CSMD1: variants seen among roughly 807,000 people sequenced by gnomAD.
CSMD1 encodes the protein CUB and sushi domain-containing protein 1.
A neutral mutation model predicts 417.5 loss-of-function variants in CSMD1; 213 were observed. The observed-to-expected ratio is 0.51, with a 90% CI of 0.46 to 0.57. CSMD1 has a LOEUF of 0.57. CSMD1 is among the 20% of genes least tolerant of loss of function. CSMD1 has a pLI of 0.00. For missense variants in CSMD1, 6,923 were observed against 4,529.7 expected (o/e 1.53, Z -15.17); for synonymous variants, 2,862 against 1,736.8 (o/e 1.65, Z -16.11).
intron 49 of CSMD1, among the ~76,000 whole-genome samples, chr8:3,070,467 C>G (rs907574458): frequency 1.3e-5 from 2 of 152,160 alleles, no homozygotes; most frequent in African/African-American, 4.8e-5. Flanking sequence ...GAATGTTTTG[C>G]TGCTTTGAAA....
chr8:4,897,514 C>A (rs1023075800), intron 1 of CSMD1, among the ~76,000 whole-genome samples: 10 of 152,006 alleles, frequency 6.6e-5, no homozygotes, highest in Non-Finnish European at 1.0e-4. Flanking sequence ...CCTCTCATAT[C>A]CTATTCGGTG....
intron 3 of CSMD1, among the ~76,000 whole-genome samples, chr8:4,269,712 C>T (rs1804452381): frequency 6.6e-6 from 1 of 152,134 alleles, no homozygotes; most frequent in African/African-American, 2.4e-5. Context: ...TAACCAGCAT[C>T]TGTTGAATTC....
chr8:3,310,253 T>G lies in CSMD1; in HGVS notation c.3632-1750A>C, dbSNP rs1805221532. 1.3e-5 allele frequency among the ~76,000 whole-genome samples: 2 copies of G among 152,180 alleles called. 1 individual carries two copies. Among genetic ancestry groups the G allele is most frequent in the South Asian group, 4.1e-4 (2 of 4,832 alleles). ...ATATCATGTATGACAAAATCCATCA[T>G]TATTACAGATTATTCAGTGCTCATT... On this transcript the variant is annotated intron_variant, in intron 23 of 69. Transcript: ENST00000635120.
At chr8:4,453,013 A>G (rs1799241641) in intron 2 of CSMD1, among the ~76,000 whole-genome samples, 1 of 152,168 alleles carries the variant, frequency 6.6e-6, no homozygotes, top group Non-Finnish European at 1.5e-5. Context: ...CCTCTGAAGA[A>G]TACAATTTAA....
intron 3 of CSMD1, among the ~76,000 whole-genome samples, chr8:4,128,808 C>T (rs926141712): frequency 6.6e-6 from 1 of 152,094 alleles, no homozygotes; most frequent in African/African-American, 2.4e-5. Flanking sequence ...TATCCTAGTG[C>T]AAGTAGGGTA....
At chr8:4,207,228 C>G (rs562526188) in intron 3 of CSMD1, among the ~76,000 whole-genome samples, 8 of 152,092 alleles carry the variant, frequency 5.3e-5, no homozygotes, top group Non-Finnish European at 1.0e-4. Flanking sequence ...GTATAACATG[C>G]AAATATAGCC....
chr8:3,695,038 G>C (rs1468471660), intron 7 of CSMD1, among the ~76,000 whole-genome samples: 5 of 150,956 alleles, frequency 3.3e-5, no homozygotes, highest in African/African-American at 7.3e-5. Context: ...ATTTGGAAGA[G>C]AAAAAGTCAC....
rs192161309 is a variant in CSMD1, at chr8:4,147,750, G to A, written c.416-115651C>T. Among the ~76,000 whole-genome samples the A allele has an allele frequency of 4.8e-4, 73 of 152,088 alleles. No homozygotes were observed. In the South Asian group the frequency reaches 9.4e-3, roughly 19 times the overall value. On this transcript the variant is annotated intron_variant, in intron 3 of 69. Coordinates refer to ENST00000635120, the MANE Select transcript of CSMD1 (RefSeq NM_033225.6). ...AAGCTCACCTAGGTTAACAACCCCC[G>A]GCAAGCCATGGACTTGCCATGTGAG...
chr8:4,710,342 T>C (rs1269417459), intron 1 of CSMD1, among the ~76,000 whole-genome samples: 1 of 149,836 alleles, frequency 6.7e-6, no homozygotes, highest in Non-Finnish European at 1.5e-5. Flanking sequence ...TAAAGTACAT[T>C]AATACTTCAA....
chr8:4,492,056 C>T (rs942475587), intron 2 of CSMD1, among the ~76,000 whole-genome samples: 3 of 151,170 alleles, frequency 2.0e-5, no homozygotes, highest in Non-Finnish European at 4.4e-5. Flanking sequence ...AAAAAAGAAA[C>T]GACCTGTCAA....
At chr8:4,923,058 C>T (rs1806602805) in intron 1 of CSMD1, among the ~76,000 whole-genome samples, 1 of 152,120 alleles carries the variant, frequency 6.6e-6, no homozygotes, top group Admixed American at 6.5e-5. Context: ...CAAGAATTTT[C>T]CAACTTAGGG....
chr8:4,269,834 T>C (rs1367220005), intron 3 of CSMD1, among the ~76,000 whole-genome samples: 1 of 152,160 alleles, frequency 6.6e-6, no homozygotes, highest in African/African-American at 2.4e-5. Context: ...GTAGTGCCAA[T>C]CTATCCTTCC....
At chr8:4,894,566 A>G (rs76916315) in intron 1 of CSMD1, among the ~76,000 whole-genome samples, 1 of 150,032 alleles carries the variant, frequency 6.7e-6, no homozygotes, top group African/African-American at 2.5e-5. Context: ...AAAGAAAAAA[A>G]AAAAAAAAAG....
intron 2 of CSMD1, among the ~76,000 whole-genome samples, chr8:4,546,795 T>G (rs550332354): frequency 6.6e-6 from 1 of 151,810 alleles, no homozygotes; most frequent in South Asian, 2.1e-4. Context: ...TATATAAAAA[T>G]ATATGCATAG....
intron 5 of CSMD1, among the ~76,000 whole-genome samples, chr8:3,991,906 G>A (rs1370368263): frequency 1.3e-5 from 2 of 152,006 alleles, no homozygotes; most frequent in Admixed American, 6.6e-5. Flanking sequence ...TCTCCAAGTA[G>A]CAGTAGCAAC....
chr8:3,129,444 A>G (rs1490246979), intron 41 of CSMD1, among the ~76,000 whole-genome samples: 1 of 152,126 alleles, frequency 6.6e-6, no homozygotes, highest in Non-Finnish European at 1.5e-5. Context: ...GGCCTTAATA[A>G]CCTTACCTGT....
At chr8:4,045,388 T>G (rs4642668) in intron 3 of CSMD1, among the ~76,000 whole-genome samples, 44,199 of 151,986 alleles carry the variant, frequency 0.29, 6,665 homozygotes, top group African/African-American at 0.37. Context: ...TTTAAAACAG[T>G]GCTACATTAC....
chr8:3,280,362 G>C (rs951740431), intron 26 of CSMD1, among the ~76,000 whole-genome samples: 3 of 152,190 alleles, frequency 2.0e-5, no homozygotes, highest in South Asian at 2.1e-4. Flanking sequence ...CAAAGCATTA[G>C]AGGTCAAGAT....
intron 12 of CSMD1, among the ~76,000 whole-genome samples, chr8:3,435,178 G>T (rs60442182): frequency 2.6e-5 from 4 of 152,146 alleles, no homozygotes; most frequent in African/African-American, 7.2e-5. Flanking sequence ...AGAAGTCAGA[G>T]GGCAAAAAAG....
Sources: allele counts gnomAD v4.1 joint callset (sites outside exome capture counted in the v4.1 genomes callset), GRCh38; gene constraint gnomAD v4.1.1; transcripts MANE v1.5; gene names NCBI Gene and HGNC (gene_info 2026-07-23, HGNC 2026-07-21).